The following ST6GALNAC3 variants were observed in gnomAD, a reference collection of about 807,000 sequenced individuals.
ST6GALNAC3 encodes ST6 N-acetylgalactosaminide alpha-2,6-sialyltransferase 3.
In ST6GALNAC3, 25 loss-of-function variants were observed where a neutral mutation model predicts 32.7. The observed-to-expected ratio is 0.76, with a 90% CI of 0.56 to 1.07. The LOEUF (loss-of-function observed/expected upper bound fraction) is 1.07, where lower values mean the gene tolerates loss of function less well. Ranked by LOEUF, ST6GALNAC3 falls within the 50% of genes least tolerant of loss-of-function variation. ST6GALNAC3 has a pLI of 0.00. For missense variants in ST6GALNAC3, 355 were observed against 382.4 expected (o/e 0.93, Z 0.60); for synonymous variants, 129 against 133.1 (o/e 0.97, Z 0.21).
intron 3 of ST6GALNAC3, among the ~76,000 whole-genome samples, chr1:76,609,008 T>G (rs116332132): frequency 0.012 from 1,815 of 152,298 alleles, 23 homozygotes; most frequent in Middle Eastern, 0.02. Context: ...TCCATTGTAC[T>G]TTCTAACTGT....
chr1:76,634,143 T>G lies in ST6GALNAC3; in HGVS notation c.*5337T>G, dbSNP rs574630349. ...TTCTCCACAGATACATCTCTTTTTG[T>G]TCACGCCTTGAAGACTTCAGAAAAA... On this transcript the variant is annotated 3_prime_UTR_variant, in exon 5 of 5. Coordinates refer to ENST00000328299, the MANE Select transcript of ST6GALNAC3 (RefSeq NM_152996.4). 7 of 985,138 alleles carry G rather than the reference T, an allele frequency of 7.1e-6. No homozygotes were observed. The African/African-American group carries it at 1.2e-4, about 17-fold the overall frequency. The allele number at this position is 985,138 out of a possible 1,614,324, so 61.0% of individuals were successfully genotyped here.
At chr1:76,438,214 C>G (rs1267431779) in intron 3 of ST6GALNAC3, among the ~76,000 whole-genome samples, 10 of 151,104 alleles carry the variant, frequency 6.6e-5, no homozygotes, top group African/African-American at 1.2e-4. Flanking sequence ...TGCAGTGGCG[C>G]GATCTCGGCT....
intron 1 of ST6GALNAC3, among the ~76,000 whole-genome samples, chr1:76,231,185 TG>T (rs1656339704): frequency 6.6e-6 from 1 of 152,046 alleles, no homozygotes; most frequent in Non-Finnish European, 1.5e-5. Flanking sequence ...CACAACCCCT[TG>T]ATATGCAAGC....
At chr1:76,401,288 A>AT (rs200106866) in intron 2 of ST6GALNAC3, among the ~76,000 whole-genome samples, 2,156 of 151,926 alleles carry the variant, frequency 0.014, 29 homozygotes, top group Admixed American at 0.022. Context: ...GCTTTATCTA[A>AT]TTTGCTGTTA....
intron 3 of ST6GALNAC3, among the ~76,000 whole-genome samples, chr1:76,535,782 T>G (rs1663554939): frequency 6.6e-6 from 1 of 151,946 alleles, no homozygotes; most frequent in East Asian, 1.9e-4. Context: ...AAACAGCATT[T>G]AAAGCATGAG....
At position 76,632,957 on chromosome 1, in the gene ST6GALNAC3, C is replaced by A. The variant is rs1424478488; in HGVS notation, c.*4151C>A. The A allele has an allele frequency of 6.6e-6, 1 of 152,108 alleles. No homozygotes were observed. Among genetic ancestry groups the A allele is most frequent in the Non-Finnish European group, 1.5e-5 (1 of 68,006 alleles). The allele number at this position is 152,108 out of a possible 1,614,324, so 9.4% of individuals were successfully genotyped here. A position where few individuals can be genotyped will look rare whatever the true frequency, so the allele number is the denominator to read the frequency against. On this transcript the variant is annotated 3_prime_UTR_variant, in exon 5 of 5. Transcript: ENST00000328299. The stretch of plus-strand genomic sequence containing the variant: ...GAGAAAAAATGCTTTTTTCTTAAAA[C>A]AGCATATTTAAAAGACAAGACCTCA...
At chr1:76,170,210 C>T (rs1000818760) in intron 1 of ST6GALNAC3, among the ~76,000 whole-genome samples, 12 of 152,154 alleles carry the variant, frequency 7.9e-5, no homozygotes, top group East Asian at 1.9e-4. Context: ...GAATCCACTG[C>T]GGTGAAGGGG....
chr1:76,087,077 G>A (rs986693104), intron 1 of ST6GALNAC3, among the ~76,000 whole-genome samples: 1 of 152,062 alleles, frequency 6.6e-6, no homozygotes, highest in Admixed American at 6.6e-5. Flanking sequence ...TTATCTGTTC[G>A]TCGGCTGGTT....
Position 76,479,693 on chromosome 1 carries a change from G to A in ST6GALNAC3, c.623+67276G>A, listed in dbSNP as rs574309613. On this transcript the variant is annotated intron_variant, in intron 3 of 4. Coordinates refer to ENST00000328299, the MANE Select transcript of ST6GALNAC3 (RefSeq NM_152996.4). ...TCCTGAAAACAGAGCCCTTATGATT[G>A]TACTGCCCCTTAAAGGTCTCACCTC... Among the ~76,000 whole-genome samples the A allele has an allele frequency of 5.3e-5, 8 of 152,068 alleles. No homozygotes were observed. In the South Asian group the frequency reaches 1.7e-3, roughly 32 times the overall value.
chr1:76,368,810 T>C (rs1206375152), intron 2 of ST6GALNAC3, among the ~76,000 whole-genome samples: 3 of 152,290 alleles, frequency 2.0e-5, no homozygotes, highest in South Asian at 2.1e-4. Context: ...ATATCTCGGC[T>C]CCAGTGGCAT....
chr1:76,401,269 C>A (rs995660262), intron 2 of ST6GALNAC3, among the ~76,000 whole-genome samples: 1 of 151,814 alleles, frequency 6.6e-6, no homozygotes, highest in African/African-American at 2.4e-5. Context: ...TTCATTAATT[C>A]TTTCTTTAGC....
chr1:76,287,809 T>G (rs185232752), intron 1 of ST6GALNAC3, among the ~76,000 whole-genome samples: 82 of 152,328 alleles, frequency 5.4e-4, no homozygotes, highest in Admixed American at 1.5e-3. Context: ...TATGCACCTT[T>G]GCAAACAATA....
At chr1:76,493,298 G>A (rs1406592152) in intron 3 of ST6GALNAC3, among the ~76,000 whole-genome samples, 3 of 152,164 alleles carry the variant, frequency 2.0e-5, no homozygotes, top group East Asian at 3.9e-4. Context: ...CAAGCCTAGA[G>A]AAACTGATAA....
chr1:76,606,817 C>T (rs1359834910), intron 3 of ST6GALNAC3, among the ~76,000 whole-genome samples: 4 of 148,808 alleles, frequency 2.7e-5, no homozygotes, highest in African/African-American at 9.8e-5. Context: ...AAAAATGTTT[C>T]TCTATACTTA....
chr1:76,131,016 C>T (rs1359444546), intron 1 of ST6GALNAC3, among the ~76,000 whole-genome samples: 1 of 152,240 alleles, frequency 6.6e-6, no homozygotes, highest in African/African-American at 2.4e-5. Context: ...TTTGTGCCAC[C>T]TTGACAAGGG....
chr1:76,467,711 A>T (rs909775877), intron 3 of ST6GALNAC3, among the ~76,000 whole-genome samples: 8 of 151,804 alleles, frequency 5.3e-5, no homozygotes, highest in Admixed American at 2.6e-4. Context: ...ATATTCTTCA[A>T]TTTTTTTTCT....
chr1:76,600,392 C>T (rs1301173183), intron 3 of ST6GALNAC3, among the ~76,000 whole-genome samples: 14 of 151,302 alleles, frequency 9.3e-5, no homozygotes, highest in Admixed American at 4.6e-4. Context: ...GAAATGGGAC[C>T]GCCTTCACCT....
At chr1:76,219,803 TG>T (rs1360311419) in intron 1 of ST6GALNAC3, among the ~76,000 whole-genome samples, 1 of 152,202 alleles carries the variant, frequency 6.6e-6, no homozygotes, top group Non-Finnish European at 1.5e-5. Context: ...TACATAATCT[TG>T]GTGTCCTTTA....
At chr1:76,222,308 C>G (rs1655819331) in intron 1 of ST6GALNAC3, among the ~76,000 whole-genome samples, 1 of 152,018 alleles carries the variant, frequency 6.6e-6, no homozygotes, top group African/African-American at 2.4e-5. Flanking sequence ...TGGAAGATAA[C>G]CTAGGAAATA....
Sources: gnomAD v4.1 joint callset for allele counts (sites outside exome capture counted in the v4.1 genomes callset) on GRCh38, gnomAD v4.1.1 for gene constraint, MANE v1.5 for transcripts, NCBI Gene and HGNC (gene_info 2026-07-23, HGNC 2026-07-21) for gene names.